Variants in RDX observed in about 807,000 individuals in gnomAD.
RDX encodes deafness, autosomal recessive 24.
RDX carries 32 observed loss-of-function variants against 83.7 expected under a neutral mutation model. The ratio of observed to expected loss-of-function variants is 0.38; its 90% CI spans 0.29 to 0.51. The LOEUF (loss-of-function observed/expected upper bound fraction) is 0.51, where lower values mean the gene tolerates loss of function less well. Among genes scored for constraint, RDX ranks in the 20% least tolerant of loss-of-function variants. RDX has a pLI of 0.87. For missense variants in RDX, 600 were observed against 689.9 expected (o/e 0.87, Z 1.46); for synonymous variants, 229 against 222.7 (o/e 1.03, Z -0.25).
chr11:110,206,361 C>A (rs1863604101), intron 14 of RDX, among the ~76,000 whole-genome samples: 1 of 151,048 alleles, frequency 6.6e-6, no homozygotes, highest in African/African-American at 2.4e-5. Flanking sequence ...TGAAAATGAA[C>A]CACAGCTATA....
chr11:110,290,842 A>G (rs944098559), intron 1 of RDX, among the ~76,000 whole-genome samples: 3 of 152,250 alleles, frequency 2.0e-5, no homozygotes, highest in Non-Finnish European at 2.9e-5. Context: ...TTATAAAAAC[A>G]GGCAGTAGGC....
At chr11:110,190,784 A>C (rs1863087507) in intron 15 of RDX, among the ~76,000 whole-genome samples, 1 of 152,230 alleles carries the variant, frequency 6.6e-6, no homozygotes, top group African/African-American at 2.4e-5. Context: ...ACAGAAATAC[A>C]AAAGATCTTC....
intron 10 of RDX, among the ~76,000 whole-genome samples, chr11:110,241,076 G>A (rs1480564187): frequency 8.0e-5 from 10 of 125,010 alleles, no homozygotes; most frequent in South Asian, 3.2e-4. Context: ...AAAAAAAAAA[G>A]GGGCGGGGGG....
At chr11:110,271,220 T>G (rs1213251613) in intron 3 of RDX, among the ~76,000 whole-genome samples, 2 of 152,206 alleles carry the variant, frequency 1.3e-5, no homozygotes, top group Non-Finnish European at 2.9e-5. Flanking sequence ...CTTTAGAGAA[T>G]TTAGAATTTT....
At chr11:110,225,447 T>C (rs7109424), downstream of RDX, among the ~76,000 whole-genome samples, 6,913 of 152,222 alleles carry the variant, frequency 0.045, 533 homozygotes, top group African/African-American at 0.16. Flanking sequence ...TGGGCAGAAC[T>C]TGAATAGACA....
chr11:110,266,741 T>TTTTTG (rs887241123), intron 3 of RDX, among the ~76,000 whole-genome samples: 5 of 151,996 alleles, frequency 3.3e-5, no homozygotes, highest in South Asian at 2.1e-4. Flanking sequence ...TTAATGTTTT[T>TTTTTG]TTTTGTTTTG....
chr11:110,255,481 G>A, intron 7 of RDX, 96 bp from the exon 8 acceptor site: 1 of 707,574 alleles, frequency 1.4e-6, no homozygotes, highest in East Asian at 2.7e-5. Context: ...AATCTTAAGA[G>A]TTCCAGATTT....
At chr11:110,208,855 C>G (rs1385250009) in intron 14 of RDX, among the ~76,000 whole-genome samples, 1 of 152,136 alleles carries the variant, frequency 6.6e-6, no homozygotes, top group Non-Finnish European at 1.5e-5. Context: ...ACTCCGGAGG[C>G]TGAGGCAGAA....
chr11:110,244,955 T>A (rs1859037299), intron 10 of RDX, among the ~76,000 whole-genome samples: 1 of 151,706 alleles, frequency 6.6e-6, no homozygotes, highest in Admixed American at 6.6e-5. Context: ...ACTGTATCTG[T>A]ACTTCAAAGT....
chr11:110,230,696 T>C lies in RDX; in HGVS notation c.*1173A>G, dbSNP rs753716470. ...TATACCAGTGAGGAGCTTACAATTTTAATACAAATCAGAATCCCACAGTTT... is the reference window on the plus strand; with the variant it reads ...TATACCAGTGAGGAGCTTACAATTTCAATACAAATCAGAATCCCACAGTTT... On this transcript the variant is annotated 3_prime_UTR_variant, in exon 14 of 14. Transcript: ENST00000645495. 6.6e-5 allele frequency: 10 copies of C among 152,586 alleles called. No homozygotes were observed. Among genetic ancestry groups the C allele is most frequent in the Non-Finnish European group, 1.5e-4 (10 of 67,980 alleles). The allele number at this position is 152,586 out of a possible 1,614,324, so 9.5% of individuals were successfully genotyped here. A position where few individuals can be genotyped will look rare whatever the true frequency, so the allele number is the denominator to read the frequency against.
intron 15 of RDX, among the ~76,000 whole-genome samples, chr11:110,186,388 A>G (rs192465348): frequency 1.3e-5 from 2 of 152,218 alleles, no homozygotes; most frequent in Admixed American, 1.3e-4. Flanking sequence ...CATTATCTTA[A>G]TGCATTTTTT....
intron 3 of RDX, among the ~76,000 whole-genome samples, chr11:110,265,109 G>GT (rs71053876): frequency 0.28 from 25,552 of 90,264 alleles, 2,926 homozygotes; most frequent in Non-Finnish European, 0.37. Flanking sequence ...TTTTTTTTTT[G>GT]TTTTTTTTTT....
intron 15 of RDX, among the ~76,000 whole-genome samples, chr11:110,184,338 C>T (rs1188084808): frequency 2.0e-5 from 3 of 152,224 alleles, no homozygotes; most frequent in Non-Finnish European, 4.4e-5. Context: ...CGGTGAACAG[C>T]CCTGTGGGGT....
At chr11:110,179,329 C>T (rs971639192) in intron 15 of RDX, among the ~76,000 whole-genome samples, 2 of 152,210 alleles carry the variant, frequency 1.3e-5, no homozygotes, top group African/African-American at 4.8e-5. Flanking sequence ...CCAGGAAGTA[C>T]CATGCCCAGC....
intron 7 of RDX, among the ~76,000 whole-genome samples, chr11:110,256,685 G>T (rs1056073065): frequency 6.6e-6 from 1 of 151,996 alleles, no homozygotes; most frequent in African/African-American, 2.4e-5. Context: ...GACCAGCCTG[G>T]GCAACATAGC....
downstream of RDX, among the ~76,000 whole-genome samples, chr11:110,225,112 CTAG>C (rs541104329): frequency 8.3e-4 from 127 of 152,306 alleles, no homozygotes; most frequent in Non-Finnish European, 1.6e-3. Context: ...TTTCTACAGT[CTAG>C]AGACTAACCA....
At chr11:110,207,987 A>AT (rs10709047) in intron 14 of RDX, among the ~76,000 whole-genome samples, 32,238 of 147,444 alleles carry the variant, frequency 0.22, 3,870 homozygotes, top group South Asian at 0.36. Context: ...GTTGAATCAG[A>AT]TTTTTTTTTT....
intron 1 of RDX, among the ~76,000 whole-genome samples, chr11:110,290,477 A>C (rs1861191092): frequency 6.6e-6 from 1 of 151,310 alleles, no homozygotes. Context: ...AAGCCACCGC[A>C]CTCTGGCCTG....
intron 14 of RDX, among the ~76,000 whole-genome samples, chr11:110,215,537 C>G (rs185084568): frequency 4.6e-4 from 70 of 152,134 alleles, no homozygotes; most frequent in African/African-American, 1.6e-3. Flanking sequence ...GTTACAAGCC[C>G]ACATGCAGTG....
Sources: allele counts gnomAD v4.1 joint callset (sites outside exome capture counted in the v4.1 genomes callset), GRCh38; gene constraint gnomAD v4.1.1; transcripts MANE v1.5; gene names NCBI Gene and HGNC (gene_info 2026-07-23, HGNC 2026-07-21).